The following SOD1 variants were observed in gnomAD, a reference collection of about 807,000 sequenced individuals.
The protein encoded by SOD1 is superoxide dismutase [Cu-Zn].
In SOD1, 8 loss-of-function variants were observed where a neutral mutation model predicts 15.9. The ratio of observed to expected loss-of-function variants is 0.50; its 90% CI spans 0.30 to 0.91. The LOEUF (loss-of-function observed/expected upper bound fraction) is 0.91. SOD1 is among the 40% of genes least tolerant of loss of function. SOD1 has a pLI of 0.07. For synonymous variants in SOD1, 86 were observed against 71.2 expected, an observed-to-expected ratio of 1.21 and a Z score of -1.04; for missense variants, 137 against 194.5, an observed-to-expected ratio of 0.70 and a Z score of 1.76.
At chr21:31,667,559 G>A (rs2049606916) in intron 4 of SOD1, among the ~76,000 whole-genome samples, 184 bp downstream of exon 4, 1 of 152,180 alleles carries the variant, frequency 6.6e-6, no homozygotes, top group Admixed American at 6.5e-5. Flanking sequence ...GGTCAGTTAA[G>A]AACACTGTTC....
intron 3 of SOD1, 36 bp from the exon 4 acceptor site, chr21:31,667,222 T>C: frequency 1.3e-6 from 2 of 1,494,322 alleles, no homozygotes; most frequent in South Asian, 2.3e-5. Flanking sequence ...TTTAGTGGCA[T>C]CAGCCCTAAT....
At chr21:31,662,057 A>G (rs191807129) in intron 1 of SOD1, among the ~76,000 whole-genome samples, 99 of 152,248 alleles carry the variant, frequency 6.5e-4, no homozygotes, top group African/African-American at 2.3e-3. Flanking sequence ...AGCAGTTCAT[A>G]TATTTTTTCG....
At chr21:31,665,976 T>TA (rs1432002972) in intron 2 of SOD1, among the ~76,000 whole-genome samples, 3 of 149,924 alleles carry the variant, frequency 2.0e-5, no homozygotes, top group Non-Finnish European at 4.5e-5. Context: ...TGGGGTTTTT[T>TA]TTTTTTTTTT....
At chr21:31,663,111 C>A (rs1050657614) in intron 1 of SOD1, among the ~76,000 whole-genome samples, 1 of 147,034 alleles carries the variant, frequency 6.8e-6, no homozygotes, top group African/African-American at 2.5e-5. Context: ...TGGACATTTC[C>A]AGGGCGACTT....
intron 1 of SOD1, among the ~76,000 whole-genome samples, chr21:31,662,865 A>T (rs1476637255): frequency 6.6e-6 from 1 of 152,114 alleles, no homozygotes; most frequent in East Asian, 1.9e-4. Context: ...ATGCAAAAAA[A>T]TTAGCCGGGT....
Position 31,662,973 on chromosome 21 carries a change from T to C in SOD1, c.73-817T>C, listed in dbSNP as rs1486304834. Among the ~76,000 whole-genome samples the C allele has an allele frequency of 6.7e-4, 93 of 139,758 alleles. No homozygotes were observed. In the Middle Eastern group the frequency reaches 0.02, roughly 30 times the overall value. The allele number at this position is 139,758 out of a possible 152,430, so 91.7% of individuals were successfully genotyped here. On this transcript the variant is annotated intron_variant, in intron 1 of 4. Transcript: ENST00000270142. ...GAGCTTGCAGTGAGCCGAGATCATGTCACTGCACTCCAGCCTGGGCGACAG... is the reference window on the plus strand; with the variant it reads ...GAGCTTGCAGTGAGCCGAGATCATGCCACTGCACTCCAGCCTGGGCGACAG...
chr21:31,666,918 GT>G (rs1254985853), intron 3 of SOD1: 1 of 400,144 alleles, frequency 2.5e-6, no homozygotes, highest in Non-Finnish European at 4.6e-6. Flanking sequence ...ATATGTGTAT[GT>G]TTTCTGAAAG....
rs555453865 is a variant in SOD1, at chr21:31,659,716, T to G, written c.-54T>G. ...TTGCGTCGTAGTCTCCTGCAGCGTCTGGGGTTTCCGTTGCAGTCCTCGGAA... is the reference window on the plus strand; with the variant it reads ...TTGCGTCGTAGTCTCCTGCAGCGTCGGGGGTTTCCGTTGCAGTCCTCGGAA... On this transcript the variant is annotated 5_prime_UTR_variant, in exon 1 of 5. Coordinates refer to ENST00000270142, the MANE Select transcript of SOD1 (RefSeq NM_000454.5). 4 of 1,573,954 alleles carry G rather than the reference T, an allele frequency of 2.5e-6. No homozygotes were observed. The highest frequency in any genetic ancestry group is 2.2e-5 in the East Asian group (1 of 44,686).
At chr21:31,668,081 T>A (rs1370453317) in intron 4 of SOD1, among the ~76,000 whole-genome samples, 1 of 152,220 alleles carries the variant, frequency 6.6e-6, no homozygotes, top group East Asian at 1.9e-4. Flanking sequence ...GCATGAAATT[T>A]TGAGTTTTAT....
chr21:31,660,104 G>T (rs1472149638), intron 1 of SOD1: 2 of 178,894 alleles, frequency 1.1e-5, no homozygotes, highest in Non-Finnish European at 2.3e-5. Flanking sequence ...CGCGGGGAGG[G>T]ATTGCCGCGG....
At chr21:31,666,627 C>G (rs1400341357) in intron 3 of SOD1, 109 bp downstream of exon 3, 16 of 883,980 alleles carry the variant, frequency 1.8e-5, no homozygotes, top group Non-Finnish European at 3.0e-5. Flanking sequence ...CCCACCTTTG[C>G]TTTTGAACTT....
In SOD1 at chr21:31,663,906, G is replaced by T; in HGVS notation, c.169+20G>T. 1 of 1,565,328 alleles carries T rather than the reference G, an allele frequency of 6.4e-7. No individual in the cohort carries two copies. Among genetic ancestry groups the T allele is most frequent in the South Asian group, 1.1e-5 (1 of 90,046 alleles). ...CAGCAGGTGGGTGTTGTGCTGTGCT[G>T]GTGACCCATACTTGTTCACCCTAGT... On this transcript the variant is annotated intron_variant, in intron 2 of 4. Transcript: ENST00000270142.
intron 1 of SOD1, 72 bp downstream of exon 1, chr21:31,659,913 G>T: frequency 1.3e-6 from 2 of 1,525,908 alleles, no homozygotes; most frequent in Non-Finnish European, 1.8e-6. Flanking sequence ...CCTTTGCTAG[G>T]AGCGGGTCGC....
At chr21:31,661,923 C>G (rs1226112884) in intron 1 of SOD1, among the ~76,000 whole-genome samples, 1 of 152,190 alleles carries the variant, frequency 6.6e-6, no homozygotes, top group Non-Finnish European at 1.5e-5. Context: ...AAATCTTGGA[C>G]TCTTTGCTAG....
chr21:31,664,516 C>G (rs1466196889), intron 2 of SOD1: 2 of 155,666 alleles, frequency 1.3e-5, no homozygotes, highest in Non-Finnish European at 2.8e-5. Flanking sequence ...GAAGATCAAC[C>G]TTAAGATTAG....
intron 3 of SOD1, chr21:31,666,961 G>A (rs2049598795): frequency 2.3e-6 from 1 of 436,728 alleles, no homozygotes; most frequent in Non-Finnish European, 4.1e-6. Context: ...TTAAGGACAA[G>A]ATTTTTATAT....
At chr21:31,660,585 T>C (rs2049540208) in intron 1 of SOD1, 1 of 152,186 alleles carries the variant, frequency 6.6e-6, no homozygotes, top group Admixed American at 6.5e-5. Context: ...ACTGACCCTT[T>C]TGGGGATTTT....
At chr21:31,667,464 AG>A in intron 4 of SOD1, 89 bp downstream of exon 4, 1 of 962,826 alleles carries the variant, frequency 1.0e-6, no homozygotes, top group East Asian at 2.5e-5. Context: ...CGGTTTCTAA[AG>A]ATCCAGATAA....
chr21:31,665,325 A>G lies in SOD1; in HGVS notation c.170-1124A>G, dbSNP rs78694163. Among the ~76,000 whole-genome samples, 21 of 152,334 alleles carry G rather than the reference A, an allele frequency of 1.4e-4. No individual in the cohort carries two copies. In the East Asian group the frequency reaches 4.0e-3, roughly 29 times the overall value. Reference sequence around the variant, plus strand: ...TAGTGATCTTTTGCCATATTTGAGTAATAATCTGATTTTTTTGTTTATAGA... The same window carrying G: ...TAGTGATCTTTTGCCATATTTGAGTGATAATCTGATTTTTTTGTTTATAGA... On this transcript the variant is annotated intron_variant, in intron 2 of 4. Transcript: ENST00000270142.
Sources: allele counts gnomAD v4.1 joint callset (sites outside exome capture counted in the v4.1 genomes callset), GRCh38; gene constraint gnomAD v4.1.1; transcripts MANE v1.5; gene names NCBI Gene and HGNC (gene_info 2026-07-23, HGNC 2026-07-21).